Variants in TAFA2 observed in about 807,000 individuals in gnomAD.
The protein encoded by TAFA2 is chemokine-like protein TAFA-2.
Under a neutral mutation model 18.8 loss-of-function variants are expected in TAFA2, and 7 were observed. The observed-to-expected ratio is 0.37, with a 90% CI of 0.21 to 0.70. The LOEUF is 0.70. Ranked by LOEUF, TAFA2 falls within the 30% of genes least tolerant of loss-of-function variation. TAFA2 has a pLI of 0.53. For synonymous variants in TAFA2, 60 were observed against 54.2 expected (o/e 1.11, Z -0.47); for missense variants, 122 against 158.1 (o/e 0.77, Z 1.23).
At chr12:62,153,690 A>G (rs192620950) in intron 1 of TAFA2, among the ~76,000 whole-genome samples, 119 of 152,190 alleles carry the variant, frequency 7.8e-4, no homozygotes, top group African/African-American at 2.7e-3. Flanking sequence ...GGCAACATCA[A>G]TTGTGTGCTA....
At chr12:61,733,381 T>C (rs1192072699) in intron 4 of TAFA2, among the ~76,000 whole-genome samples, 1 of 152,156 alleles carries the variant, frequency 6.6e-6, no homozygotes. Context: ...GCCCAGGTTT[T>C]CTTCTAGGGT....
chr12:61,839,550 C>T (rs150064131), intron 2 of TAFA2, among the ~76,000 whole-genome samples: 46 of 152,122 alleles, frequency 3.0e-4, no homozygotes, highest in African/African-American at 1.1e-3. Flanking sequence ...TACATACACA[C>T]GATGGAATAC....
At chr12:62,228,484 C>T (rs1347327163) in intron 1 of TAFA2, among the ~76,000 whole-genome samples, 1 of 152,202 alleles carries the variant, frequency 6.6e-6, no homozygotes, top group Non-Finnish European at 1.5e-5. Flanking sequence ...AGAGGCTAAA[C>T]TAATTTGCTT....
At chr12:61,800,233 C>G (rs1013218343) in intron 2 of TAFA2, among the ~76,000 whole-genome samples, 1 of 152,138 alleles carries the variant, frequency 6.6e-6, no homozygotes, top group Non-Finnish European at 1.5e-5. Flanking sequence ...TACAATACCA[C>G]TTTTAATCTT....
At chr12:62,231,148 T>C (rs760762784) in intron 1 of TAFA2, among the ~76,000 whole-genome samples, 5 of 152,244 alleles carry the variant, frequency 3.3e-5, no homozygotes, top group African/African-American at 7.2e-5. Context: ...TGAAGTCCCA[T>C]ACTATTACTG....
chr12:62,206,005 G>A (rs1272450636), intron 1 of TAFA2, among the ~76,000 whole-genome samples: 1 of 152,138 alleles, frequency 6.6e-6, no homozygotes, highest in African/African-American at 2.4e-5. Context: ...CACATGGGCT[G>A]TTACTCCACC....
chr12:61,982,812 C>T (rs1357537906), intron 1 of TAFA2, among the ~76,000 whole-genome samples: 1 of 139,048 alleles, frequency 7.2e-6, no homozygotes, highest in Non-Finnish European at 1.5e-5. Flanking sequence ...ATGTTAACTT[C>T]ATTTCACTAA....
At chr12:62,174,638 A>G (rs1256478393) in intron 1 of TAFA2, among the ~76,000 whole-genome samples, 1 of 152,174 alleles carries the variant, frequency 6.6e-6, no homozygotes, top group African/African-American at 2.4e-5. Flanking sequence ...TAAAGGGTCC[A>G]TCTAAAATTT....
chr12:61,959,220 T>C (rs2136651520), intron 1 of TAFA2, among the ~76,000 whole-genome samples: 1 of 152,166 alleles, frequency 6.6e-6, no homozygotes, highest in Admixed American at 6.6e-5. Context: ...TTGTTGGATT[T>C]CTAAATAAAA....
intron 1 of TAFA2, among the ~76,000 whole-genome samples, chr12:62,057,096 T>C (rs1882207928): frequency 6.6e-6 from 1 of 152,238 alleles, no homozygotes; most frequent in South Asian, 2.1e-4. Flanking sequence ...TTACCCATAA[T>C]ACCATCTGAG....
In TAFA2 at chr12:61,877,970, G is replaced by A. The variant is rs1874939650; in HGVS notation, c.-1-10544C>T. On this transcript the variant is annotated intron_variant, in intron 1 of 4. Transcript: ENST00000416284. ...ATATACATATATATACACACACAGT[G>A]GAATATTATTCAGCCTTAAAAAGAA... The A allele has an allele frequency of 9.1e-6, 4 of 438,724 alleles. No homozygotes were observed. In the East Asian group the frequency reaches 2.8e-4, roughly 31 times the overall value. 27.2% of individuals were successfully genotyped at this position (438,724 alleles called of 1,614,324 possible). A position where few individuals can be genotyped will look rare whatever the true frequency, so the allele number is the denominator to read the frequency against.
intron 1 of TAFA2, among the ~76,000 whole-genome samples, chr12:61,997,146 C>G (rs1351033636): frequency 1.4e-5 from 2 of 142,368 alleles, no homozygotes; most frequent in Admixed American, 1.5e-4. Context: ...TATATAGATA[C>G]ATACTAGACT....
intron 1 of TAFA2, among the ~76,000 whole-genome samples, chr12:61,956,341 A>G (rs944515236): frequency 1.3e-5 from 2 of 152,118 alleles, no homozygotes; most frequent in African/African-American, 4.8e-5. Flanking sequence ...GTAAAATAAA[A>G]CATCTCATTT....
At chr12:62,047,619 C>T (rs1881943670) in intron 1 of TAFA2, among the ~76,000 whole-genome samples, 1 of 152,080 alleles carries the variant, frequency 6.6e-6, no homozygotes, top group African/African-American at 2.4e-5. Flanking sequence ...TGTTAGTTTG[C>T]ATTTTTTTAA....
At chr12:61,893,573 T>C (rs1875721959) in intron 1 of TAFA2, among the ~76,000 whole-genome samples, 1 of 152,144 alleles carries the variant, frequency 6.6e-6, no homozygotes, top group African/African-American at 2.4e-5. Context: ...ATCCAGACCA[T>C]GATGGATGGG....
rs577880141 is a variant in TAFA2 at position 61,738,062 on chromosome 12, A to G, written c.384+15560T>C. On this transcript the variant is annotated intron_variant, in intron 4 of 4. Coordinates refer to ENST00000416284, the MANE Select transcript of TAFA2 (RefSeq NM_178539.5). ...ATTGGTTATTCCATTAATAGGAATT[A>G]TTGGCCTCTGCTAATTGCTGAATAT... 4.6e-5 allele frequency among the ~76,000 whole-genome samples: 7 copies of G among 152,196 alleles called. No homozygotes were observed. The South Asian group carries it at 1.5e-3, about 32-fold the overall frequency.
At chr12:61,722,233 A>G (rs1165662622) in intron 4 of TAFA2, among the ~76,000 whole-genome samples, 1 of 152,192 alleles carries the variant, frequency 6.6e-6, no homozygotes, top group Admixed American at 6.6e-5. Context: ...GCAAGAAAAA[A>G]GACTAATCAT....
intron 1 of TAFA2, among the ~76,000 whole-genome samples, chr12:61,915,766 G>A (rs935566836): frequency 6.6e-6 from 1 of 152,190 alleles, no homozygotes; most frequent in Admixed American, 6.5e-5. Flanking sequence ...CTCAAGAAGA[G>A]AGAGCACATC....
intron 1 of TAFA2, among the ~76,000 whole-genome samples, chr12:62,004,416 T>C (rs899284460): frequency 1.3e-5 from 2 of 152,116 alleles, no homozygotes; most frequent in Non-Finnish European, 2.9e-5. Context: ...GCTGGAAAGG[T>C]GTTTCTGATA....
Sources: allele counts gnomAD v4.1 joint callset (sites outside exome capture counted in the v4.1 genomes callset), GRCh38; gene constraint gnomAD v4.1.1; transcripts MANE v1.5; gene names NCBI Gene and HGNC (gene_info 2026-07-23, HGNC 2026-07-21).